The following COL21A1 variants were observed in gnomAD, a reference collection of about 807,000 sequenced individuals.
The protein encoded by COL21A1 is collagen type XXI alpha 1 chain, also known as collagen alpha-1(XXI) chain.
In COL21A1, 149 loss-of-function variants were observed where a neutral mutation model predicts 137.9. The observed-to-expected ratio is 1.08, with a 90% CI of 0.95 to 1.24. COL21A1 has a LOEUF of 1.24. COL21A1 is among the 50% of genes most tolerant of loss of function. The probability of loss-of-function intolerance (pLI) is 0.00; values close to 1 mark genes in which losing one functional copy is unlikely to be tolerated. For missense variants in COL21A1, 1,167 were observed against 1,158.4 expected, an observed-to-expected ratio of 1.01 and a Z score of -0.11; for synonymous variants, 456 against 391.5, an observed-to-expected ratio of 1.16 and a Z score of -1.95.
At position 56,060,167 on chromosome 6, in the gene COL21A1, CA is replaced by C. The variant is rs35467383; in HGVS notation, c.2458del (p.Cys820AlafsTer17). 11 of 1,609,458 alleles carry C rather than the reference CA, an allele frequency of 6.8e-6. No individual in the cohort carries two copies. In the East Asian group the frequency reaches 2.5e-4, roughly 36 times the overall value. On this transcript the variant is annotated frameshift_variant, in exon 28 of 30. Coordinates refer to ENST00000244728, the MANE Select transcript of COL21A1 (RefSeq NM_030820.4). LOFTEE classifies it high-confidence loss of function. The part of the protein sequence containing the change: ...QSGRIRNCDH[C>X]LSQHGSPGIP... The stretch of plus-strand genomic sequence containing the variant: ...ACCCGGGGAGCCATGTTGGGACAGG[CA>C]ATGATCACAATTTCTAATTCTTCCA...
intron 25 of COL21A1, 38 bp downstream of exon 25, chr6:56,061,611 A>AAAGAGAGC: frequency 6.7e-7 from 1 of 1,491,710 alleles, no homozygotes; most frequent in Non-Finnish European, 9.2e-7. Flanking sequence ...AGGACCGAAG[A>AAAGAGAGC]AAGAGAGCAA....
intron 1 of COL21A1, among the ~76,000 whole-genome samples, chr6:56,262,469 A>G (rs1925164): frequency 0.49 from 74,842 of 151,908 alleles, 19,667 homozygotes; most frequent in East Asian, 0.85. Flanking sequence ...AAAGCATAAT[A>G]CTAGCCCTGT....
At chr6:56,157,712 T>G (rs1775864795) in intron 9 of COL21A1, among the ~76,000 whole-genome samples, 1 of 152,240 alleles carries the variant, frequency 6.6e-6, no homozygotes, top group South Asian at 2.1e-4. Context: ...TGATCTCTCA[T>G]GTAGAATTCA....
chr6:56,121,558 G>GTATATTCATA (rs1412546744), intron 16 of COL21A1, among the ~76,000 whole-genome samples: 5 of 136,964 alleles, frequency 3.7e-5, no homozygotes, highest in African/African-American at 1.4e-4. Context: ...ATATGTATAT[G>GTATATTCATA]TGTATATATA....
At chr6:56,307,770 G>A (rs1287685483) in intron 1 of COL21A1, among the ~76,000 whole-genome samples, 1 of 152,130 alleles carries the variant, frequency 6.6e-6, no homozygotes, top group Non-Finnish European at 1.5e-5. Context: ...GATGAACCCG[G>A]TACCTCAGTT....
At chr6:56,228,737 G>T (rs1283220741) in intron 1 of COL21A1, among the ~76,000 whole-genome samples, 1 of 151,500 alleles carries the variant, frequency 6.6e-6, no homozygotes, top group African/African-American at 2.4e-5. Context: ...TTCTGGTCTG[G>T]CTTACTGTTT....
intron 7 of COL21A1, among the ~76,000 whole-genome samples, chr6:56,165,656 A>C (rs1386829124): frequency 2.0e-5 from 3 of 152,062 alleles, no homozygotes; most frequent in African/African-American, 7.2e-5. Context: ...TTTCTAGAAA[A>C]CTCTGTTTGA....
intron 1 of COL21A1, among the ~76,000 whole-genome samples, chr6:56,367,734 T>C (rs1018381690): frequency 1.3e-5 from 2 of 152,146 alleles, no homozygotes; most frequent in African/African-American, 4.8e-5. Flanking sequence ...CAATTTTTTG[T>C]TTTTTTGTAT....
chr6:56,353,248 G>A (rs1041629725), intron 1 of COL21A1, among the ~76,000 whole-genome samples: 1 of 152,128 alleles, frequency 6.6e-6, no homozygotes, highest in Non-Finnish European at 1.5e-5. Flanking sequence ...TAGATAAGAA[G>A]AGGCCATTCC....
rs371474151 is a variant in COL21A1 at position 56,124,299 on chromosome 6, C to A, written c.1651-7G>T. ...CCTTTTCACCTTTTGCACCCTGTAT[C>A]GAAAACAAACACTTAAAACACAATC... On this transcript the variant is annotated splice_polypyrimidine_tract_variant and splice_region_variant and intron_variant, in intron 14 of 29. Coordinates refer to ENST00000244728, the MANE Select transcript of COL21A1 (RefSeq NM_030820.4). 18 of 1,596,280 alleles carry A rather than the reference C, an allele frequency of 1.1e-5. No homozygotes were observed. The highest frequency in any genetic ancestry group is 1.4e-5 in the Non-Finnish European group (16 of 1,170,578).
chr6:56,374,358 C>A (rs1403157350), intron 1 of COL21A1, among the ~76,000 whole-genome samples: 5 of 152,144 alleles, frequency 3.3e-5, no homozygotes. Flanking sequence ...TTGAAGACAT[C>A]TTGTTTGCTA....
intron 1 of COL21A1, among the ~76,000 whole-genome samples, chr6:56,392,118 T>G (rs889714743): frequency 6.6e-6 from 1 of 151,960 alleles, no homozygotes; most frequent in Non-Finnish European, 1.5e-5. Context: ...GCAAACAAAA[T>G]TCAACAACAC....
chr6:56,242,058 G>A (rs1198861168), intron 1 of COL21A1, among the ~76,000 whole-genome samples: 1 of 152,096 alleles, frequency 6.6e-6, no homozygotes, highest in Non-Finnish European at 1.5e-5. Flanking sequence ...AACAAGGAAT[G>A]TTCCTCCCTG....
chr6:56,233,456 AAG>A (rs1390865123), intron 1 of COL21A1, among the ~76,000 whole-genome samples: 33 of 151,982 alleles, frequency 2.2e-4, no homozygotes, highest in African/African-American at 7.9e-4. Context: ...AGTGAATAAA[AAG>A]AGAAAATCAA....
intron 1 of COL21A1, among the ~76,000 whole-genome samples, chr6:56,268,089 A>T (rs1218928526): frequency 6.6e-6 from 1 of 152,162 alleles, no homozygotes; most frequent in Non-Finnish European, 1.5e-5. Flanking sequence ...TACAGCGCTG[A>T]GCTGGAAGTG....
At chr6:56,097,876 A>AAT (rs1562188335) in intron 17 of COL21A1, among the ~76,000 whole-genome samples, 4 of 64,310 alleles carry the variant, frequency 6.2e-5, no homozygotes, top group African/African-American at 2.5e-4. Context: ...AATATCTATA[A>AAT]ATATATAAAT....
chr6:56,299,837 A>G (rs1448635465), intron 1 of COL21A1, among the ~76,000 whole-genome samples: 1 of 152,114 alleles, frequency 6.6e-6, no homozygotes, highest in African/African-American at 2.4e-5. Context: ...TGTTCCTAAA[A>G]TAAAAGGGAG....
At chr6:56,324,550 C>T (rs572793596) in intron 1 of COL21A1, among the ~76,000 whole-genome samples, 1 of 152,116 alleles carries the variant, frequency 6.6e-6, no homozygotes, top group Non-Finnish European at 1.5e-5. Flanking sequence ...TTCACCGACC[C>T]GAATATGAGG....
At chr6:56,168,687 A>G (rs1776789251) in intron 5 of COL21A1, among the ~76,000 whole-genome samples, 1 of 151,980 alleles carries the variant, frequency 6.6e-6, no homozygotes, top group South Asian at 2.1e-4. Flanking sequence ...CTGGAATTCA[A>G]ACAATCTTGA....
Sources: allele counts gnomAD v4.1 joint callset (sites outside exome capture counted in the v4.1 genomes callset), GRCh38; gene constraint gnomAD v4.1.1; transcripts MANE v1.5; gene names NCBI Gene and HGNC (gene_info 2026-07-23, HGNC 2026-07-21).